The following TMCO4 variants were observed in gnomAD, a reference collection of about 807,000 sequenced individuals.
The protein encoded by TMCO4 is transmembrane and coiled-coil domains 4, also known as transmembrane and coiled-coil domain-containing protein 4.
A neutral mutation model predicts 64.7 loss-of-function variants in TMCO4; 58 were observed. The observed-to-expected ratio is 0.90, with a 90% CI of 0.73 to 1.12. TMCO4 has a LOEUF of 1.12. Among genes scored for constraint, TMCO4 ranks in the 50% most tolerant of loss-of-function variants. The pLI is 0.00. For synonymous variants in TMCO4, 325 were observed against 346.1 expected (o/e 0.94, Z 0.68); for missense variants, 780 against 825.9 (o/e 0.94, Z 0.68).
rs901205627 is a variant in TMCO4 at position 19,787,449 on chromosome 1, C to T, written c.-100-332G>A. Among the ~76,000 whole-genome samples the T allele has an allele frequency of 8.5e-5, 13 of 152,234 alleles. No homozygotes were observed. The South Asian group carries it at 1.0e-3, about 12-fold the overall frequency. On this transcript the variant is annotated intron_variant, in intron 2 of 15. Coordinates refer to ENST00000294543, the MANE Select transcript of TMCO4 (RefSeq NM_181719.7). ...TCCAGTTCCTCAGCGGGCACCCTGT[C>T]GCCTCCACATCTGTACCTGGTGCCT...
Position 19,688,247 on chromosome 1 carries a change from G to A in TMCO4, c.1501-4803C>T, listed in dbSNP as rs1478284803. The stretch of plus-strand genomic sequence containing the variant: ...GGTTGCGTTCCCTGATAAACTGAGC[G>A]CAGGGGAGCAGAGACCACTTCTCAC... On this transcript the variant is annotated intron_variant, in intron 15 of 15. Coordinates refer to ENST00000294543, the MANE Select transcript of TMCO4 (RefSeq NM_181719.7). Among the ~76,000 whole-genome samples, 4 of 152,162 alleles carry A rather than the reference G, an allele frequency of 2.6e-5. No individual in the cohort carries two copies. The East Asian group carries it at 5.8e-4, about 22-fold the overall frequency.
At position 19,761,295 on chromosome 1, in the gene TMCO4, C is replaced by T. The variant is rs1000050094; in HGVS notation, c.383-5529G>A. Among the ~76,000 whole-genome samples the T allele has an allele frequency of 5.3e-5, 8 of 152,214 alleles. No homozygotes were observed. In the South Asian group the frequency reaches 1.0e-3, roughly 20 times the overall value. On this transcript the variant is annotated intron_variant, in intron 6 of 15. Transcript: ENST00000294543. ...TGTCTTCCAGCCACACACCTCTCCC[C>T]GAAGCCCGCCCATGCTTCCAGCCTG...
intron 6 of TMCO4, among the ~76,000 whole-genome samples, chr1:19,760,702 T>A (rs1341322702): frequency 1.3e-5 from 2 of 152,262 alleles, no homozygotes; most frequent in Non-Finnish European, 2.9e-5. Flanking sequence ...CAACTATATA[T>A]ATATTTTATT....
intron 13 of TMCO4, among the ~76,000 whole-genome samples, chr1:19,713,898 A>G (rs1477996944): frequency 6.6e-6 from 1 of 152,004 alleles, no homozygotes; most frequent in Non-Finnish European, 1.5e-5. Context: ...TCCATGATGC[A>G]TTGTGGTTAA....
At chr1:19,791,756 G>A (rs2044051186) in intron 2 of TMCO4, among the ~76,000 whole-genome samples, 1 of 152,194 alleles carries the variant, frequency 6.6e-6, no homozygotes, top group African/African-American at 2.4e-5. Context: ...AGCGCCCTGG[G>A]GCTCAGGAGT....
Position 19,682,767 on chromosome 1 carries a change from C to T in TMCO4, c.*273G>A, listed in dbSNP as rs2100490108. ...TGGTTTCCGGTCCTGGGACTCTAAC[C>T]TGTGCTTGGTTGACTCTGCAGGTCT... On this transcript the variant is annotated 3_prime_UTR_variant, in exon 16 of 16. Coordinates refer to ENST00000294543, the MANE Select transcript of TMCO4 (RefSeq NM_181719.7). The T allele has an allele frequency of 1.4e-6, 1 of 719,428 alleles. No individual in the cohort carries two copies. The highest frequency in any genetic ancestry group is 1.5e-5 in the South Asian group (1 of 67,614). The allele number at this position is 719,428 out of a possible 1,614,324, so 44.6% of individuals were successfully genotyped here. A position where few individuals can be genotyped will look rare whatever the true frequency, so the allele number is the denominator to read the frequency against.
chr1:19,693,751 T>A (rs2095215773), intron 15 of TMCO4, among the ~76,000 whole-genome samples: 3 of 152,326 alleles, frequency 2.0e-5, no homozygotes, highest in African/African-American at 7.2e-5. Context: ...CATCCCATCT[T>A]TCCACAGCCT....
intron 10 of TMCO4, among the ~76,000 whole-genome samples, chr1:19,742,677 G>A (rs751029940): frequency 7.2e-5 from 11 of 152,200 alleles, no homozygotes; most frequent in Non-Finnish European, 1.3e-4. Context: ...TGGCTTCCAC[G>A]GGTGTGACCC....
At chr1:19,776,093 A>G (rs931648504) in intron 4 of TMCO4, among the ~76,000 whole-genome samples, 3 of 152,102 alleles carry the variant, frequency 2.0e-5, no homozygotes, top group East Asian at 1.9e-4. Context: ...TTTTTAGTAG[A>G]GACAGGGTTT....
At chr1:19,691,143 C>T (rs543686344) in intron 15 of TMCO4, among the ~76,000 whole-genome samples, 174 of 152,276 alleles carry the variant, frequency 1.1e-3, no homozygotes, top group Non-Finnish European at 1.9e-3. Flanking sequence ...GCTGGGATTA[C>T]AGGCGTGAGT....
At chr1:19,691,603 G>A (rs11579480) in intron 15 of TMCO4, among the ~76,000 whole-genome samples, 81,266 of 151,878 alleles carry the variant, frequency 0.54, 23,173 homozygotes, top group Non-Finnish European at 0.64. Flanking sequence ...AGATGCAGTG[G>A]TGGAGTGATC....
chr1:19,756,445 G>GC (rs1182512603), intron 6 of TMCO4, among the ~76,000 whole-genome samples: 1 of 151,978 alleles, frequency 6.6e-6, no homozygotes, highest in Non-Finnish European at 1.5e-5. Flanking sequence ...AATCCCCTTT[G>GC]CCCCAGGAAT....
chr1:19,725,762 T>C (rs922942256), intron 13 of TMCO4, among the ~76,000 whole-genome samples: 2 of 152,226 alleles, frequency 1.3e-5, no homozygotes, highest in African/African-American at 4.8e-5. Flanking sequence ...GGTGCATGTT[T>C]TGTCTTGGTT....
chr1:19,700,768 C>T lies in TMCO4; in HGVS notation c.1382G>A (p.Arg461Lys). 1.2e-6 allele frequency: 2 copies of T among 1,613,826 alleles called. No individual in the cohort carries two copies. Among genetic ancestry groups the T allele is most frequent in the Non-Finnish European group, 1.7e-6 (2 of 1,179,686 alleles). The change falls in exon 14 of 16, where the codon AGG becomes AAG. Residue 461 changes from arginine (R) to lysine (K), a missense_variant and splice_region_variant. Arg to Lys is a conservative substitution (Grantham distance 26, BLOSUM62 2). Coordinates refer to ENST00000294543, the MANE Select transcript of TMCO4 (RefSeq NM_181719.7). ...CCGCTGGCACGAGGTTTGGACAGAC[C>T]TGCAGTAGCCGTTGATGATCCTCCC... Reference protein sequence around the residue: ...VSGRIINGYCRGDWLLSFVYR... With the variant: ...VSGRIINGYCKGDWLLSFVYR...
rs2043422812 is a variant in TMCO4 at position 19,780,604 on chromosome 1, T to C, written c.155A>G (p.Gln52Arg). 2.5e-6 allele frequency: 4 copies of C among 1,606,644 alleles called. No individual in the cohort carries two copies. Among genetic ancestry groups the C allele is most frequent in the Non-Finnish European group, 3.4e-6 (4 of 1,177,492 alleles). ...CCTGTGTTCGGGTTCAGGAAATAAC[T>C]GGGACAGGGAGATGCCACAGAGGGC... ...YAALCGISLS[Q>R]LFPEPEHSSF... Residue 52 changes from glutamine (Q) to arginine (R), a missense_variant, in exon 4 of 16, where the codon CAG becomes CGG. Gln to Arg is a conservative substitution (Grantham distance 43, BLOSUM62 1). Transcript: ENST00000294543.
intron 13 of TMCO4, among the ~76,000 whole-genome samples, chr1:19,719,860 G>A (rs2095373528): frequency 6.6e-6 from 1 of 152,106 alleles, no homozygotes; most frequent in East Asian, 1.9e-4. Context: ...AGGTTTGGTG[G>A]CAGGCACCTG....
At chr1:19,722,817 G>A (rs1356409943) in intron 13 of TMCO4, among the ~76,000 whole-genome samples, 1 of 152,138 alleles carries the variant, frequency 6.6e-6, no homozygotes, top group African/African-American at 2.4e-5. Flanking sequence ...CTGGGGCAAG[G>A]GGGCTGGGGG....
chr1:19,770,138 G>A (rs1007121688), intron 6 of TMCO4, among the ~76,000 whole-genome samples: 2 of 152,196 alleles, frequency 1.3e-5, no homozygotes, highest in African/African-American at 4.8e-5. Flanking sequence ...GGTCAGGTGG[G>A]CCTTTGAAAA....
chr1:19,730,830 G>T (rs140599390), intron 13 of TMCO4, among the ~76,000 whole-genome samples: 1 of 152,336 alleles, frequency 6.6e-6, no homozygotes, highest in Non-Finnish European at 1.5e-5. Flanking sequence ...GGTGACTCTA[G>T]GATTTACTGC....
Sources: gnomAD v4.1 joint callset for allele counts (sites outside exome capture counted in the v4.1 genomes callset) on GRCh38, gnomAD v4.1.1 for gene constraint, MANE v1.5 for transcripts, NCBI Gene and HGNC (gene_info 2026-07-23, HGNC 2026-07-21) for gene names.